ANK2: variants seen among roughly 807,000 people sequenced by gnomAD.
ANK2 encodes ankyrin-2.
Under a neutral mutation model 360.5 loss-of-function variants are expected in ANK2, and 83 were observed. The observed-to-expected ratio is 0.23, with a 90% CI of 0.19 to 0.28. The LOEUF (loss-of-function observed/expected upper bound fraction) is 0.28, where lower values mean the gene tolerates loss of function less well. Among genes scored for constraint, ANK2 ranks in the 10% least tolerant of loss-of-function variants. The pLI, the probability that ANK2 is intolerant of heterozygous loss-of-function variation, is 1.00. For synonymous variants in ANK2, 1,740 were observed against 1,759.5 expected (o/e 0.99, Z 0.28); for missense variants, 4,201 against 4,795.7 (o/e 0.88, Z 3.66).
chr4:112,731,247 C>T, the ANK2 span, among the ~76,000 whole-genome samples: 584 of 139,232 alleles, frequency 4.2e-3, 4 homozygotes, highest in African/African-American at 0.015. Context: ...GCCATAATTG[C>T]ACCACTTCAC....
chr4:112,793,706 CT>C, the ANK2 span, among the ~76,000 whole-genome samples: 18,838 of 134,634 alleles, frequency 0.14, 1,080 homozygotes, highest in Middle Eastern at 0.16. Context: ...ATTTTCTTTT[CT>C]TTTTTTTTTT....
At chr4:113,190,795 G>A (rs2098648553) in intron 2 of ANK2, among the ~76,000 whole-genome samples, 2 of 152,108 alleles carry the variant, frequency 1.3e-5, no homozygotes, top group African/African-American at 2.4e-5. Flanking sequence ...TGACACAGAA[G>A]AATAAACTCT....
intron 2 of ANK2, among the ~76,000 whole-genome samples, chr4:113,178,967 C>T (rs2098322539): frequency 6.6e-6 from 1 of 152,152 alleles, no homozygotes; most frequent in Non-Finnish European, 1.5e-5. Context: ...TATCTTAAAG[C>T]TCAAAACTTA....
chr4:112,874,772 T>TTG (rs2074473926), intron 1 of ANK2, among the ~76,000 whole-genome samples: 1 of 152,002 alleles, frequency 6.6e-6, no homozygotes, highest in Non-Finnish European at 1.5e-5. Context: ...GCTTGGTGAA[T>TTG]GAATATGAAT....
chr4:112,929,061 C>T lies in ANK2; in HGVS notation c.21+24547C>T, dbSNP rs534878668. Among the ~76,000 whole-genome samples, 16 of 152,130 alleles carry T rather than the reference C, an allele frequency of 1.1e-4. No individual in the cohort carries two copies. The South Asian group carries it at 1.5e-3, about 14-fold the overall frequency. ...AGAGACGGGGTTTCACCATGTTTAC[C>T]GGGCTGGTCTCGAACTCCCAACCTC... On this transcript the variant is annotated intron_variant, in intron 2 of 30. Transcript: ENST00000503271.
chr4:112,711,601 G>C, the ANK2 span, among the ~76,000 whole-genome samples: 5 of 152,096 alleles, frequency 3.3e-5, no homozygotes, highest in South Asian at 1.0e-3. Flanking sequence ...TGGATCACCT[G>C]ATGTCAGGAG....
chr4:113,276,082 C>T (rs2060149673), intron 15 of ANK2, among the ~76,000 whole-genome samples: 2 of 151,912 alleles, frequency 1.3e-5, no homozygotes, highest in Admixed American at 6.6e-5. Flanking sequence ...GCTGGGACTA[C>T]AGGTGCCCTC....
chr4:113,049,883 A>T (rs553045017), intron 1 of ANK2, 71 bp downstream of exon 1: 958 of 1,556,288 alleles, frequency 6.2e-4, no homozygotes, highest in Non-Finnish European at 7.7e-4. Flanking sequence ...GTGTAATATC[A>T]GCAAGGCTAT....
rs45497199 is a variant in ANK2, at chr4:113,293,608, C to G, written c.2475+70C>G. ...TTTCAAACTAAATACATGTACAGTA[C>G]TTTTTCACTCACAAGATGTTTGGAG... On this transcript the variant is annotated intron_variant, in intron 22 of 45. Transcript: ENST00000357077. 1,418 of 1,390,124 alleles carry G rather than the reference C, an allele frequency of 1.0e-3. 12 individuals carry two copies. In the African/African-American group the frequency reaches 0.018, roughly 18 times the overall value. 86.1% of individuals were successfully genotyped at this position (1,390,124 alleles called of 1,614,324 possible). A position where few individuals can be genotyped will look rare whatever the true frequency, so the allele number is the denominator to read the frequency against.
In ANK2 at chr4:113,228,821, T is replaced by A. The variant is rs77224036; in HGVS notation, c.385-3340T>A. 1.9e-3 allele frequency among the ~76,000 whole-genome samples: 287 copies of A among 152,060 alleles called. 5 individuals are homozygous for A. Among genetic ancestry groups the A allele is most frequent in the Admixed American group, 9.2e-3 (141 of 15,256 alleles). On this transcript the variant is annotated intron_variant, in intron 4 of 45. Transcript: ENST00000357077. ...CAAAAGAGGCCCGCTTGCAATATATTTTTTTTTAAATTAAAAACTACATAT... is the reference window on the plus strand; with the variant it reads ...CAAAAGAGGCCCGCTTGCAATATATATTTTTTTAAATTAAAAACTACATAT...
At chr4:112,742,400 G>GTT in the ANK2 span, among the ~76,000 whole-genome samples, 1 of 149,610 alleles carries the variant, frequency 6.7e-6, no homozygotes, top group Non-Finnish European at 1.5e-5. Flanking sequence ...AATTCTATGT[G>GTT]TGTGTGTGTG....
At chr4:112,888,872 CCAAA>C (rs1312347761) in intron 1 of ANK2, among the ~76,000 whole-genome samples, 1 of 152,090 alleles carries the variant, frequency 6.6e-6, no homozygotes, top group Non-Finnish European at 1.5e-5. Flanking sequence ...GTCAGGACAG[CCAAA>C]CAAAGAAGAG....
intron 4 of ANK2, among the ~76,000 whole-genome samples, chr4:113,217,711 C>G (rs1051076151): frequency 3.3e-5 from 5 of 152,114 alleles, no homozygotes; most frequent in African/African-American, 9.7e-5. Flanking sequence ...CACTCGCCGC[C>G]TCTCCCCCGC....
intron 4 of ANK2, among the ~76,000 whole-genome samples, chr4:113,202,347 T>C (rs1380368040): frequency 6.6e-6 from 1 of 152,154 alleles, no homozygotes; most frequent in East Asian, 1.9e-4. Flanking sequence ...ATATGGGGTG[T>C]CAAGTGGATG....
intron 4 of ANK2, among the ~76,000 whole-genome samples, chr4:113,227,482 AC>A (rs2099238798): frequency 1.3e-5 from 2 of 152,068 alleles, no homozygotes; most frequent in South Asian, 4.1e-4. Flanking sequence ...CCTATAACAA[AC>A]TTTTCAAGGC....
At chr4:113,141,063 A>G (rs2096619371) in intron 1 of ANK2, among the ~76,000 whole-genome samples, 2 of 152,224 alleles carry the variant, frequency 1.3e-5, no homozygotes, top group Non-Finnish European at 2.9e-5. Context: ...CTTGTCTTAC[A>G]AAGTCCTATA....
chr4:112,800,729 A>G, the ANK2 span, among the ~76,000 whole-genome samples: 1 of 152,104 alleles, frequency 6.6e-6, no homozygotes, highest in Non-Finnish European at 1.5e-5. Flanking sequence ...ATCTTGGCTG[A>G]CTGCAACCTC....
chr4:113,279,897 T>C (rs748547419), intron 17 of ANK2, among the ~76,000 whole-genome samples: 5 of 152,032 alleles, frequency 3.3e-5, no homozygotes, highest in Non-Finnish European at 5.9e-5. Context: ...TCAGCACATA[T>C]TTTATGTCTT....
At chr4:113,290,863 T>A (rs1054963361) in intron 20 of ANK2, among the ~76,000 whole-genome samples, 1 of 152,192 alleles carries the variant, frequency 6.6e-6, no homozygotes, top group African/African-American at 2.4e-5. Flanking sequence ...CAGATGGGCC[T>A]ATGACAGTGG....
Sources: gnomAD v4.1 joint callset for allele counts (sites outside exome capture counted in the v4.1 genomes callset) on GRCh38, gnomAD v4.1.1 for gene constraint, MANE v1.5 for transcripts, NCBI Gene and HGNC (gene_info 2026-07-23, HGNC 2026-07-21) for gene names.